Variants in LGI2 observed in about 807,000 individuals in gnomAD.
The protein encoded by LGI2 is leucine-rich repeat LGI family member 2.
LGI2 carries 30 observed loss-of-function variants against 52.0 expected under a neutral mutation model. That is an observed-to-expected ratio of 0.58 (90% CI 0.43 to 0.78). LGI2 has a LOEUF of 0.78. LGI2 is among the 30% of genes least tolerant of loss of function. The pLI is 0.00. For missense variants in LGI2, 573 were observed against 692.5 expected (o/e 0.83, Z 1.94); for synonymous variants, 270 against 271.8 (o/e 0.99, Z 0.06).
intron 7 of LGI2, among the ~76,000 whole-genome samples, chr4:25,007,186 T>C (rs1725418686): frequency 6.6e-6 from 1 of 152,244 alleles, no homozygotes; most frequent in Non-Finnish European, 1.5e-5. Context: ...GCTCTACTGT[T>C]GGACATTGCA....
chr4:25,003,699 C>G lies in LGI2; in HGVS notation c.1390G>C (p.Ala464Pro). The change falls in exon 8 of 8, where the codon GCC becomes CCC. Residue 464 changes from alanine to proline, a missense_variant. By Grantham distance (27) the Ala-to-Pro change is conservative (BLOSUM62 -1). Transcript: ENST00000382114. ...VEIQALPSRG[A>P]MTLQPFSFKD... ...AAAGAAAAGGGCTGCAGGGTCATGG[C>G]CCCCCGGGATGGAAGAGCTTGGATC... 1.2e-6 allele frequency: 2 copies of G among 1,614,162 alleles called. No homozygotes were observed. The highest frequency in any genetic ancestry group is 1.7e-6 in the Non-Finnish European group (2 of 1,180,030).
In LGI2 at chr4:25,024,872, T is replaced by A; in HGVS notation, c.361A>T (p.Ile121Leu). 1 of 1,607,806 alleles carries A rather than the reference T, an allele frequency of 6.2e-7. No individual in the cohort carries two copies. The highest frequency in any genetic ancestry group is 8.5e-7 in the Non-Finnish European group (1 of 1,177,682). ...AAGGCATTTCTTGAAATGGTTTCTA[T>A]TTTGTTCCCTTCAATGAACCTAAGA... The part of the protein sequence containing the change: ...LEYLFIEGNK[I>L]ETISRNAFRG... The change falls in exon 4 of 8, where the codon ATA becomes TTA. Residue 121 changes from isoleucine (I) to leucine (L), a missense_variant. By Grantham distance (5) the Ile-to-Leu change is conservative (BLOSUM62 2). Transcript: ENST00000382114.
intron 7 of LGI2, among the ~76,000 whole-genome samples, chr4:25,011,088 A>T (rs2109410891): frequency 6.6e-6 from 1 of 151,818 alleles, no homozygotes; most frequent in South Asian, 2.1e-4. Context: ...TCTCAAAAAA[A>T]AAAAAAATCA....
intron 5 of LGI2, 41 bp downstream of exon 5, chr4:25,019,126 G>A (rs1355887019): frequency 1.7e-6 from 2 of 1,187,544 alleles, no homozygotes; most frequent in Admixed American, 3.5e-5. Flanking sequence ...ATTAACTGGG[G>A]CACAATGACA....
chr4:25,007,201 T>C (rs1725419367), intron 7 of LGI2, among the ~76,000 whole-genome samples: 1 of 152,204 alleles, frequency 6.6e-6, no homozygotes, highest in Non-Finnish European at 1.5e-5. Context: ...ATTGCAATTA[T>C]TTCTAGCTTT....
intron 2 of LGI2, among the ~76,000 whole-genome samples, 197 bp downstream of exon 2, chr4:25,028,310 C>G (rs916666400): frequency 6.6e-6 from 1 of 152,126 alleles, no homozygotes; most frequent in Non-Finnish European, 1.5e-5. Context: ...AGGTATCGAA[C>G]TAAGGAAAGA....
rs2232023 is a variant in LGI2 at position 25,004,372 on chromosome 4, C to T, written c.821-104G>A. On this transcript the variant is annotated intron_variant, in intron 7 of 7. Transcript: ENST00000382114. The surrounding 1 kb of genome is among the most constrained non-coding windows in gnomAD (Gnocchi z 4.6). Reference sequence around the variant, plus strand: ...CTGGTGGGAGTGTGAAATGGCACAGCCACTATGGAAAACAGTATGGTGGTT... The same window carrying T: ...CTGGTGGGAGTGTGAAATGGCACAGTCACTATGGAAAACAGTATGGTGGTT... 49,746 of 997,400 alleles carry T rather than the reference C, an allele frequency of 0.05. 1,859 individuals are homozygous for T. The highest frequency in any genetic ancestry group is 0.15 in the African/African-American group (9,105 of 61,774). The allele number at this position is 997,400 out of a possible 1,614,324, so 61.8% of individuals were successfully genotyped here. A position where few individuals can be genotyped will look rare whatever the true frequency, so the allele number is the denominator to read the frequency against.
intron 2 of LGI2, 30 bp from the exon 3 acceptor site, chr4:25,026,969 A>T (rs149515693): frequency 4.1e-5 from 64 of 1,555,624 alleles, no homozygotes; most frequent in Non-Finnish European, 5.4e-5. Flanking sequence ...TCCAATGGAG[A>T]GATGTAAAAC....
intron 7 of LGI2, 98 bp downstream of exon 7, chr4:25,012,237 A>G: frequency 7.4e-7 from 1 of 1,353,778 alleles, no homozygotes; most frequent in Non-Finnish European, 1.0e-6. Context: ...CAGGTTAGAG[A>G]GCCGAGCTCT....
intron 3 of LGI2, among the ~76,000 whole-genome samples, chr4:25,026,146 C>A (rs1402805242): frequency 6.6e-6 from 1 of 151,348 alleles, no homozygotes; most frequent in Admixed American, 6.6e-5. Context: ...TGAACTCAGA[C>A]AAGAAAATGA....
downstream of LGI2, among the ~76,000 whole-genome samples, chr4:24,994,378 T>C (rs1724995838): frequency 6.6e-6 from 1 of 152,134 alleles, no homozygotes; most frequent in African/African-American, 2.4e-5. Flanking sequence ...CCTGAATAGT[T>C]GACATTAGAG....
intron 7 of LGI2, among the ~76,000 whole-genome samples, chr4:25,011,474 T>A (rs1553871556): frequency 1.3e-5 from 2 of 152,028 alleles, no homozygotes; most frequent in Non-Finnish European, 2.9e-5. Flanking sequence ...TTAGCAGCTC[T>A]CCCTGCCTCC....
chr4:25,009,976 A>G (rs1725525618), intron 7 of LGI2, among the ~76,000 whole-genome samples: 1 of 152,148 alleles, frequency 6.6e-6, no homozygotes, highest in East Asian at 1.9e-4. Context: ...CCCAGCATCA[A>G]GAACATGCCT....
At chr4:25,030,242 G>A (rs1726293289) in intron 1 of LGI2, among the ~76,000 whole-genome samples, 1 of 152,238 alleles carries the variant, frequency 6.6e-6, no homozygotes, top group Admixed American at 6.5e-5. Flanking sequence ...AGGTGAGTCT[G>A]ATGCAGGTGG....
chr4:25,027,960 C>G (rs1307263516), intron 2 of LGI2, among the ~76,000 whole-genome samples: 1 of 152,178 alleles, frequency 6.6e-6, no homozygotes, highest in African/African-American at 2.4e-5. Flanking sequence ...TAGAATCTGG[C>G]TCTGATTTGG....
At position 25,024,451 on chromosome 4, in the gene LGI2, C is replaced by A. The variant is rs576117480; in HGVS notation, c.413+369G>T. ...ATGGCTTGAACCCAGGAGGCGGAGG[C>A]TGCAGTGAGCCGAGATCATGCCACT... is the stretch of plus-strand genomic sequence containing the variant. On this transcript the variant is annotated intron_variant, in intron 4 of 7. Coordinates refer to ENST00000382114, the MANE Select transcript of LGI2 (RefSeq NM_018176.4). Among the ~76,000 whole-genome samples the A allele has an allele frequency of 2.0e-5, 3 of 152,150 alleles. No individual in the cohort carries two copies. The East Asian group carries it at 5.8e-4, about 29-fold the overall frequency.
intron 7 of LGI2, among the ~76,000 whole-genome samples, chr4:25,007,764 G>T (rs1286957799): frequency 6.6e-6 from 1 of 152,128 alleles, no homozygotes; most frequent in Non-Finnish European, 1.5e-5. Flanking sequence ...CATGACCATG[G>T]GTTTCTCTCT....
At chr4:25,016,921 G>A (rs989831809) in intron 6 of LGI2, among the ~76,000 whole-genome samples, 1 of 152,132 alleles carries the variant, frequency 6.6e-6, no homozygotes, top group Admixed American at 6.5e-5. Context: ...ACAGCGGCCT[G>A]ATCCTCCTCT....
chr4:25,001,498 T>C lies in LGI2; in HGVS notation c.*1953A>G, dbSNP rs3796785. 72,052 of 151,902 alleles carry C rather than the reference T, an allele frequency of 0.47. 17,620 individuals are homozygous for C. The highest frequency in any genetic ancestry group is 0.77 in the East Asian group (3,979 of 5,162). 9.4% of individuals were successfully genotyped at this position (151,902 alleles called of 1,614,324 possible). On this transcript the variant is annotated 3_prime_UTR_variant, in exon 8 of 8. Coordinates refer to ENST00000382114, the MANE Select transcript of LGI2 (RefSeq NM_018176.4). ...GGACTGGAGGAATGGCAAAGCTCTT[T>C]CCCTTTCAGCCTCCAATGGGGGGAC... is the stretch of plus-strand genomic sequence containing the variant.
Sources: gnomAD v4.1 joint callset for allele counts (sites outside exome capture counted in the v4.1 genomes callset) on GRCh38, gnomAD v4.1.1 for gene constraint, Gnocchi (gnomAD v3.1) non-coding constraint, MANE v1.5 for transcripts, NCBI Gene and HGNC (gene_info 2026-07-23, HGNC 2026-07-21) for gene names.